The following MRE11 variants were observed in gnomAD, a reference collection of about 807,000 sequenced individuals.
MRE11 encodes MRE11 double strand break repair nuclease, also known as double-strand break repair protein MRE11.
In MRE11, 62 loss-of-function variants were observed where a neutral mutation model predicts 91.7. The observed-to-expected ratio is 0.68, with a 90% CI of 0.55 to 0.84. The LOEUF (loss-of-function observed/expected upper bound fraction) is 0.84, where lower values mean the gene tolerates loss of function less well. MRE11 is among the 40% of genes least tolerant of loss of function. The probability of loss-of-function intolerance (pLI) is 0.00; values close to 1 mark genes in which losing one functional copy is unlikely to be tolerated. For missense variants in MRE11, 796 were observed against 852.9 expected, an observed-to-expected ratio of 0.93 and a Z score of 0.83; for synonymous variants, 273 against 271.4, an observed-to-expected ratio of 1.01 and a Z score of -0.06.
chr11:94,419,840 C>A lies in MRE11; in HGVS notation c.*285G>T. On this transcript the variant is annotated 3_prime_UTR_variant, in exon 20 of 20. Coordinates refer to ENST00000323929, the MANE Select transcript of MRE11 (RefSeq NM_005591.4). ...TCCCTCAACTTTGGCTAAATGTAAC[C>A]ATATTAAAATACTGACATAGTTTTT... 3.7e-6 allele frequency: 1 copy of A among 266,984 alleles called. No individual in the cohort carries two copies. The highest frequency in any genetic ancestry group is 1.1e-4 in the South Asian group (1 of 9,044). 16.5% of individuals were successfully genotyped at this position (266,984 alleles called of 1,614,324 possible).
In MRE11 at chr11:94,418,624, C is replaced by T. The variant is rs61893705; in HGVS notation, c.*1501G>A. 1 of 232,358 alleles carries T rather than the reference C, an allele frequency of 4.3e-6. No individual in the cohort carries two copies. The highest frequency in any genetic ancestry group is 5.6e-5 in the Admixed American group (1 of 17,748). The allele number at this position is 232,358 out of a possible 1,614,324, so 14.4% of individuals were successfully genotyped here. On this transcript the variant is annotated 3_prime_UTR_variant, in exon 20 of 20. Coordinates refer to ENST00000323929, the MANE Select transcript of MRE11 (RefSeq NM_005591.4). ...AGCTTCCATTACATCATGGACAGCA[C>T]TGCTCTTCCCTGACTTAACCTTCTG...
At chr11:94,447,969 T>C (rs1201999352) in intron 14 of MRE11, among the ~76,000 whole-genome samples, 2 of 152,130 alleles carry the variant, frequency 1.3e-5, no homozygotes, top group African/African-American at 4.8e-5. Context: ...TGAAAAGGTT[T>C]ACCAAGAAAA....
intron 16 of MRE11, among the ~76,000 whole-genome samples, 153 bp from the exon 17 acceptor site, chr11:94,437,388 G>A (rs1192115419): frequency 6.6e-6 from 1 of 152,180 alleles, no homozygotes; most frequent in African/African-American, 2.4e-5. Context: ...AAAATCTAAA[G>A]GGAGATAGAA....
At chr11:94,490,513 C>T (rs903483321) in intron 3 of MRE11, among the ~76,000 whole-genome samples, 1 of 152,180 alleles carries the variant, frequency 6.6e-6, no homozygotes, top group Non-Finnish European at 1.5e-5. Flanking sequence ...GTCTTTCACA[C>T]CAGTTTTCTT....
At chr11:94,461,325 G>A (rs914562782) in intron 11 of MRE11, among the ~76,000 whole-genome samples, 2 of 152,120 alleles carry the variant, frequency 1.3e-5, no homozygotes, top group Admixed American at 6.5e-5. Flanking sequence ...GAGTAATAAC[G>A]TCAAAAATAC....
chr11:94,468,600 GAAC>G (rs1946630534), intron 9 of MRE11, among the ~76,000 whole-genome samples: 1 of 152,098 alleles, frequency 6.6e-6, no homozygotes, highest in Non-Finnish European at 1.5e-5. Context: ...CTGATCTCAA[GAAC>G]AATACAGAAC....
At chr11:94,434,452 T>C (rs1945546953) in intron 18 of MRE11, among the ~76,000 whole-genome samples, 1 of 152,172 alleles carries the variant, frequency 6.6e-6, no homozygotes, top group Non-Finnish European at 1.5e-5. Context: ...AGGGAGAAAT[T>C]GACTTACATC....
intron 7 of MRE11, among the ~76,000 whole-genome samples, chr11:94,472,189 A>G (rs1946734612): frequency 6.6e-6 from 1 of 152,100 alleles, no homozygotes. Context: ...TTTTACTAAT[A>G]AATATAATGG....
the MRE11 span, among the ~76,000 whole-genome samples, chr11:94,506,855 G>A: frequency 1.3e-5 from 2 of 152,092 alleles, no homozygotes; most frequent in Non-Finnish European, 2.9e-5. Flanking sequence ...CTCCAAAAGT[G>A]CTGGGATTAT....
In MRE11 at chr11:94,418,821, T is replaced by A. The variant is rs562083257; in HGVS notation, c.*1304A>T. 47 of 231,588 alleles carry A rather than the reference T, an allele frequency of 2.0e-4. No individual in the cohort carries two copies. In the South Asian group the frequency reaches 8.3e-3, roughly 41 times the overall value. 14.3% of individuals were successfully genotyped at this position (231,588 alleles called of 1,614,324 possible). A position where few individuals can be genotyped will look rare whatever the true frequency, so the allele number is the denominator to read the frequency against. On this transcript the variant is annotated 3_prime_UTR_variant, in exon 20 of 20. Coordinates refer to ENST00000323929, the MANE Select transcript of MRE11 (RefSeq NM_005591.4). ...AATATTTTTAAGAAAGTCAATAGAA[T>A]GTTATATTGCAAGTTTTGACTTAGG...
rs755194180 is a variant in MRE11, at chr11:94,492,779, T to C, written c.20+3A>G. The C allele has an allele frequency of 1.2e-6, 2 of 1,614,040 alleles. No individual in the cohort carries two copies. Among genetic ancestry groups the C allele is most frequent in the South Asian group, 1.1e-5 (1 of 91,082 alleles). On this transcript the variant is annotated splice_donor_region_variant and intron_variant, in intron 2 of 19. Coordinates refer to ENST00000323929, the MANE Select transcript of MRE11 (RefSeq NM_005591.4). ...CAAGGGATTCCAGAAGTCAGGTGCT[T>C]ACAGTGCATCTGCAGTACTCATTTT... is the stretch of plus-strand genomic sequence containing the variant.
rs190142346 is a variant in MRE11 at position 94,470,625 on chromosome 11, C to T, written c.863G>A (p.Arg288His). 1.9e-5 allele frequency: 31 copies of T among 1,612,964 alleles called. No homozygotes were observed. The highest frequency in any genetic ancestry group is 1.8e-4 in the Admixed American group (11 of 59,958). ...CATATTCATCTTCCTCCCTTTAATA[C>T]GCAGCAAACCAACATGTCTGAAGTG... ...EAVKKHVGLL[R>H]IKGRKMNMHK... The change falls in exon 9 of 20, where the codon CGT (arginine) becomes CAT (histidine). Residue 288 changes from arginine to histidine, a missense_variant. Physicochemically the swap from Arg to His is conservative, Grantham distance 29. Transcript: ENST00000323929.
At chr11:94,439,281 T>TA (rs1421850428) in intron 16 of MRE11, among the ~76,000 whole-genome samples, 38 of 151,014 alleles carry the variant, frequency 2.5e-4, no homozygotes, top group African/African-American at 8.0e-4. Context: ...GTCAGAGACT[T>TA]AAAAAAAAAC....
At chr11:94,461,230 C>T (rs759540880) in intron 11 of MRE11, among the ~76,000 whole-genome samples, 194 bp from the exon 12 acceptor site, 8 of 152,154 alleles carry the variant, frequency 5.3e-5, no homozygotes, top group Non-Finnish European at 1.2e-4. Flanking sequence ...CAGTATTTCT[C>T]GTTCATACCT....
At chr11:94,502,260 C>A in the MRE11 span, among the ~76,000 whole-genome samples, 25 of 152,288 alleles carry the variant, frequency 1.6e-4, no homozygotes, top group Admixed American at 1.0e-3. Flanking sequence ...TACCACCTTT[C>A]CTCTTCACCA....
intron 6 of MRE11, among the ~76,000 whole-genome samples, chr11:94,477,687 T>A (rs186921468): frequency 6.6e-6 from 1 of 152,290 alleles, no homozygotes; most frequent in East Asian, 1.9e-4. Flanking sequence ...CATTAGAAGA[T>A]TAATCTACTT....
At chr11:94,480,152 T>C (rs1322675187) in intron 4 of MRE11, among the ~76,000 whole-genome samples, 4 of 152,174 alleles carry the variant, frequency 2.6e-5, no homozygotes, top group Non-Finnish European at 5.9e-5. Context: ...CCCAGCTCTA[T>C]CACTTATTGC....
In MRE11 at chr11:94,460,924, G is replaced by A; in HGVS notation, c.1326+12C>T. On this transcript the variant is annotated intron_variant, in intron 12 of 19. Transcript: ENST00000323929. Reference sequence around the variant, plus strand: ...GTAGCCATTATTCAAAATGTGAACTGTAAGAAATTACCTTCTCTGCGGTTT... The same window carrying A: ...GTAGCCATTATTCAAAATGTGAACTATAAGAAATTACCTTCTCTGCGGTTT... The A allele has an allele frequency of 6.2e-7, 1 of 1,602,842 alleles. No individual in the cohort carries two copies. The highest frequency in any genetic ancestry group is 8.5e-7 in the Non-Finnish European group (1 of 1,170,426).
chr11:94,471,937 G>C (rs1946727860), intron 7 of MRE11, among the ~76,000 whole-genome samples, 178 bp from the exon 8 acceptor site: 1 of 151,972 alleles, frequency 6.6e-6, no homozygotes, highest in African/African-American at 2.4e-5. Flanking sequence ...CTGACCTTGA[G>C]AGCTTTACAA....
Sources: gnomAD v4.1 joint callset for allele counts (sites outside exome capture counted in the v4.1 genomes callset) on GRCh38, gnomAD v4.1.1 for gene constraint, MANE v1.5 for transcripts, NCBI Gene and HGNC (gene_info 2026-07-23, HGNC 2026-07-21) for gene names.